Variants in ARHGAP32 observed in about 807,000 individuals in gnomAD.
ARHGAP32 encodes rho GTPase-activating protein 32.
ARHGAP32 carries 51 observed loss-of-function variants against 186.5 expected under a neutral mutation model. The observed-to-expected ratio is 0.27, with a 90% confidence interval of 0.22 to 0.35. The LOEUF (loss-of-function observed/expected upper bound fraction) is 0.35, where lower values mean the gene tolerates loss of function less well. ARHGAP32 is among the 10% of genes least tolerant of loss of function. ARHGAP32 has a pLI of 1.00. For synonymous variants in ARHGAP32, 950 were observed against 964.3 expected (o/e 0.99, Z 0.27); for missense variants, 2,186 against 2,623.5 (o/e 0.83, Z 3.64).
intron 6 of ARHGAP32, among the ~76,000 whole-genome samples, chr11:129,069,799 G>C (rs540513648): frequency 1.3e-5 from 2 of 152,126 alleles, no homozygotes; most frequent in South Asian, 2.1e-4. Flanking sequence ...GGAGAGAAAT[G>C]ATCTGCAATT....
intron 1 of ARHGAP32, among the ~76,000 whole-genome samples, chr11:129,201,185 G>A (rs889664523): frequency 2.0e-5 from 3 of 152,068 alleles, no homozygotes; most frequent in African/African-American, 4.8e-5. Context: ...TTTCATAACC[G>A]TATGAATAAG....
chr11:129,066,938 C>G, intron 6 of ARHGAP32, 70 bp from the exon 7 acceptor site: 1 of 1,254,748 alleles, frequency 8.0e-7, no homozygotes, highest in Non-Finnish European at 1.1e-6. Flanking sequence ...AGGCCATATT[C>G]TATAATGTGA....
intron 1 of ARHGAP32, among the ~76,000 whole-genome samples, chr11:129,278,980 G>A (rs1273167405): frequency 6.8e-6 from 1 of 147,446 alleles, no homozygotes; most frequent in Non-Finnish European, 1.5e-5. Flanking sequence ...GGGGAGATGG[G>A]GCCGGGGGCG....
intron 11 of ARHGAP32, among the ~76,000 whole-genome samples, chr11:129,022,869 T>A (rs1442506919): frequency 6.6e-6 from 1 of 152,120 alleles, no homozygotes; most frequent in Non-Finnish European, 1.5e-5. Context: ...ACATTTTAGA[T>A]TTCTATCTTC....
At chr11:129,200,699 A>G (rs941887483) in intron 1 of ARHGAP32, among the ~76,000 whole-genome samples, 1 of 152,190 alleles carries the variant, frequency 6.6e-6, no homozygotes, top group Non-Finnish European at 1.5e-5. Context: ...GTAATCTCTA[A>G]AATAGAAAAA....
intron 1 of ARHGAP32, among the ~76,000 whole-genome samples, chr11:129,202,493 A>T (rs1944466436): frequency 1.3e-5 from 2 of 152,250 alleles, no homozygotes; most frequent in Non-Finnish European, 2.9e-5. Flanking sequence ...ATACTGACCA[A>T]GATAAATCAA....
At chr11:129,132,807 C>A (rs1942842046) in intron 2 of ARHGAP32, among the ~76,000 whole-genome samples, 1 of 152,052 alleles carries the variant, frequency 6.6e-6, no homozygotes, top group Non-Finnish European at 1.5e-5. Context: ...GACTTTAAAA[C>A]AGGTATTATA....
At chr11:129,268,647 G>A (rs531141196) in intron 1 of ARHGAP32, among the ~76,000 whole-genome samples, 1 of 82,716 alleles carries the variant, frequency 1.2e-5, no homozygotes, top group East Asian at 4.3e-4. Context: ...TTGCTCTTTC[G>A]TTATTTGCCT....
At chr11:129,102,759 G>A (rs946888313) in intron 5 of ARHGAP32, among the ~76,000 whole-genome samples, 1 of 152,076 alleles carries the variant, frequency 6.6e-6, no homozygotes, top group African/African-American at 2.4e-5. Flanking sequence ...TACATTGTTG[G>A]TGGTATTCGT....
chr11:128,997,835 A>G (rs143666027), intron 12 of ARHGAP32, among the ~76,000 whole-genome samples: 2,601 of 152,320 alleles, frequency 0.017, 37 homozygotes, highest in South Asian at 0.048. Context: ...TCAAGGCTGC[A>G]GTCGGCTATG....
chr11:129,035,654 G>C (rs972224919), intron 11 of ARHGAP32, among the ~76,000 whole-genome samples: 10 of 151,668 alleles, frequency 6.6e-5, no homozygotes, highest in African/African-American at 1.9e-4. Flanking sequence ...TCGAGACCAG[G>C]TGGTCAACAT....
In ARHGAP32 at chr11:129,020,182, A is replaced by C. The variant is rs1938535108; in HGVS notation, c.1045+20746T>G. 2.0e-5 allele frequency among the ~76,000 whole-genome samples: 3 copies of C among 152,076 alleles called. No homozygotes were observed. In the South Asian group the frequency reaches 6.2e-4, roughly 31 times the overall value. ...ACATCATTTAAAACGTCATTGGAGA[A>C]CTTTGTCAAAAAAAATTAGGTTCTC... is the stretch of plus-strand genomic sequence containing the variant. On this transcript the variant is annotated intron_variant, in intron 11 of 22. Transcript: ENST00000682385.
At chr11:129,010,213 C>T (rs1239917477) in intron 11 of ARHGAP32, among the ~76,000 whole-genome samples, 1 of 152,062 alleles carries the variant, frequency 6.6e-6, no homozygotes, top group African/African-American at 2.4e-5. Flanking sequence ...TATGGATAGA[C>T]TGCAAACATT....
chr11:129,155,843 C>T (rs948414219), intron 2 of ARHGAP32, among the ~76,000 whole-genome samples: 4 of 152,160 alleles, frequency 2.6e-5, no homozygotes, highest in South Asian at 4.2e-4. Flanking sequence ...ATGCAGAAGG[C>T]GGGTGATCTC....
intron 12 of ARHGAP32, among the ~76,000 whole-genome samples, chr11:128,991,198 T>C (rs1365927122): frequency 6.6e-6 from 1 of 152,164 alleles, no homozygotes; most frequent in Non-Finnish European, 1.5e-5. Context: ...CCTGATAATA[T>C]GTCCAAGTCT....
intron 1 of ARHGAP32, among the ~76,000 whole-genome samples, chr11:129,176,512 C>G (rs1943919023): frequency 7.0e-6 from 1 of 142,980 alleles, no homozygotes; most frequent in Admixed American, 7.2e-5. Context: ...CACACCCATT[C>G]CAAAACTGAC....
At chr11:129,034,543 C>T (rs1939244397) in intron 11 of ARHGAP32, among the ~76,000 whole-genome samples, 1 of 151,360 alleles carries the variant, frequency 6.6e-6, no homozygotes, top group African/African-American at 2.4e-5. Context: ...GTGGATGATG[C>T]AAAAAGATGG....
chr11:129,024,134 G>A (rs1938726421), intron 11 of ARHGAP32: 2 of 985,360 alleles, frequency 2.0e-6, no homozygotes, highest in African/African-American at 1.7e-5. Context: ...AAGCCAGCAA[G>A]TGTGTGGGAG....
chr11:128,995,927 T>C (rs1339389922), intron 12 of ARHGAP32, among the ~76,000 whole-genome samples: 4 of 152,256 alleles, frequency 2.6e-5, no homozygotes, highest in Non-Finnish European at 5.9e-5. Context: ...TCTATTTAAT[T>C]ATAACATTAA....
Sources: gnomAD v4.1 joint callset for allele counts (sites outside exome capture counted in the v4.1 genomes callset) on GRCh38, gnomAD v4.1.1 for gene constraint, MANE v1.5 for transcripts, NCBI Gene and HGNC (gene_info 2026-07-23, HGNC 2026-07-21) for gene names.